The following CSMD1 variants were observed in gnomAD, a reference collection of about 807,000 sequenced individuals.
CSMD1 encodes the protein CUB and sushi domain-containing protein 1.
In CSMD1, 213 loss-of-function variants were observed where a neutral mutation model predicts 417.5. The observed-to-expected ratio is 0.51, with a 90% CI of 0.46 to 0.57. The LOEUF (loss-of-function observed/expected upper bound fraction) is 0.57, where lower values mean the gene tolerates loss of function less well. Ranked by LOEUF, CSMD1 falls within the 20% of genes least tolerant of loss-of-function variation. The probability of loss-of-function intolerance (pLI) is 0.00; values close to 1 mark genes in which losing one functional copy is unlikely to be tolerated. For synonymous variants in CSMD1, 2,862 were observed against 1,736.8 expected, an observed-to-expected ratio of 1.65 and a Z score of -16.11; for missense variants, 6,923 against 4,529.7, an observed-to-expected ratio of 1.53 and a Z score of -15.17.
intron 10 of CSMD1, among the ~76,000 whole-genome samples, chr8:3,567,042 T>C (rs1025384111): frequency 3.9e-5 from 6 of 152,152 alleles, no homozygotes; most frequent in African/African-American, 1.4e-4. Context: ...CCATCGATGG[T>C]AGACTGGATA....
At chr8:3,987,353 G>T (rs753923811) in intron 5 of CSMD1, among the ~76,000 whole-genome samples, 25 of 152,186 alleles carry the variant, frequency 1.6e-4, no homozygotes, top group Non-Finnish European at 3.2e-4. Flanking sequence ...CTTTGCAACT[G>T]CATTGCTTAT....
chr8:3,294,556 C>T (rs1388136602), intron 25 of CSMD1, among the ~76,000 whole-genome samples: 3 of 110,348 alleles, frequency 2.7e-5, no homozygotes, highest in South Asian at 7.2e-4. Context: ...TGCAGCCTTG[C>T]AGTTTGATCT....
intron 5 of CSMD1, among the ~76,000 whole-genome samples, chr8:3,851,752 T>A (rs1453984259): frequency 6.6e-6 from 1 of 152,012 alleles, no homozygotes; most frequent in African/African-American, 2.4e-5. Context: ...AGGTGAGGAA[T>A]GAAGAGGGAA....
chr8:3,378,393 T>C (rs750521592), intron 18 of CSMD1, among the ~76,000 whole-genome samples: 21 of 152,264 alleles, frequency 1.4e-4, no homozygotes, highest in Admixed American at 6.5e-4. Flanking sequence ...CCCTAACTCA[T>C]TTTATGAGGG....
chr8:3,518,167 T>C (rs980133711), intron 10 of CSMD1, among the ~76,000 whole-genome samples: 15 of 152,286 alleles, frequency 9.8e-5, no homozygotes, highest in Non-Finnish European at 1.3e-4. Context: ...TATACCAAAA[T>C]GTTGTATGGT....
At chr8:3,678,267 G>A (rs7016406) in intron 7 of CSMD1, among the ~76,000 whole-genome samples, 67,052 of 152,044 alleles carry the variant, frequency 0.44, 15,227 homozygotes, top group Admixed American at 0.56. Context: ...CGAACCCATC[G>A]CAAAGAAGTT....
intron 1 of CSMD1, among the ~76,000 whole-genome samples, chr8:4,730,023 G>T (rs1265560864): frequency 2.0e-5 from 3 of 152,088 alleles, no homozygotes; most frequent in African/African-American, 4.8e-5. Flanking sequence ...GAGCACACCT[G>T]CTCCCATGTT....
At chr8:4,447,803 A>G (rs542810775) in intron 2 of CSMD1, among the ~76,000 whole-genome samples, 1 of 152,206 alleles carries the variant, frequency 6.6e-6, no homozygotes, top group African/African-American at 2.4e-5. Context: ...ATAAACGAAC[A>G]CAACTAAGAA....
chr8:4,353,200 C>A (rs893282475), intron 3 of CSMD1, among the ~76,000 whole-genome samples: 1 of 151,900 alleles, frequency 6.6e-6, no homozygotes, highest in Non-Finnish European at 1.5e-5. Context: ...AGTGTGGAGC[C>A]AGGTGGAGAC....
intron 2 of CSMD1, among the ~76,000 whole-genome samples, chr8:4,550,329 GCACACACACACA>G: frequency 7.2e-6 from 1 of 139,618 alleles, no homozygotes; most frequent in South Asian, 2.3e-4. Flanking sequence ...ATACACACAC[GCACACACACACA>G]CACACACACA....
At chr8:3,678,180 G>A (rs1262420812) in intron 7 of CSMD1, among the ~76,000 whole-genome samples, 2 of 152,164 alleles carry the variant, frequency 1.3e-5, no homozygotes, top group Admixed American at 6.5e-5. Flanking sequence ...GAACAAAGCT[G>A]GACGGAGAAT....
At chr8:4,959,006 T>G (rs6558949) in intron 1 of CSMD1, among the ~76,000 whole-genome samples, 111,399 of 152,078 alleles carry the variant, frequency 0.73, 42,951 homozygotes, top group Non-Finnish European at 0.86. Context: ...AAATCTTAAT[T>G]GTATGCTTTA....
intron 3 of CSMD1, among the ~76,000 whole-genome samples, chr8:4,171,695 T>G (rs1584953182): frequency 1.3e-5 from 2 of 149,758 alleles, no homozygotes; most frequent in African/African-American, 5.1e-5. Flanking sequence ...ACAAAGTTAA[T>G]TTGCTTATTC....
chr8:4,156,071 G>T (rs576232220), intron 3 of CSMD1, among the ~76,000 whole-genome samples: 41 of 152,260 alleles, frequency 2.7e-4, no homozygotes, highest in Non-Finnish European at 4.9e-4. Flanking sequence ...AATGGAATTG[G>T]AATAGGGCTG....
At chr8:3,686,509 C>T (rs1002661890) in intron 7 of CSMD1, among the ~76,000 whole-genome samples, 1 of 152,146 alleles carries the variant, frequency 6.6e-6, no homozygotes, top group Admixed American at 6.6e-5. Context: ...AAGCCAGTTA[C>T]AAGATCATGT....
At chr8:4,138,582 T>A (rs1311646923) in intron 3 of CSMD1, among the ~76,000 whole-genome samples, 1 of 151,938 alleles carries the variant, frequency 6.6e-6, no homozygotes, top group Non-Finnish European at 1.5e-5. Context: ...AGATCCTAGA[T>A]TCTTAGAAAT....
At chr8:4,324,884 T>TCAA (rs1437973092) in intron 3 of CSMD1, among the ~76,000 whole-genome samples, 8 of 152,168 alleles carry the variant, frequency 5.3e-5, no homozygotes, top group Non-Finnish European at 8.8e-5. Context: ...TCCTGGATCC[T>TCAA]CAAGGCACTC....
intron 5 of CSMD1, among the ~76,000 whole-genome samples, chr8:3,905,975 G>C (rs1052377457): frequency 6.6e-6 from 1 of 152,144 alleles, no homozygotes; most frequent in Admixed American, 6.5e-5. Context: ...TATCAAACCT[G>C]TTCTTTTACC....
chr8:4,628,518 G>C (rs1328349547), intron 2 of CSMD1, among the ~76,000 whole-genome samples: 1 of 151,062 alleles, frequency 6.6e-6, no homozygotes, highest in Non-Finnish European at 1.5e-5. Context: ...AAACTATACA[G>C]AGAGAGAAAG....
Sources: allele counts gnomAD v4.1 joint callset (sites outside exome capture counted in the v4.1 genomes callset), GRCh38; gene constraint gnomAD v4.1.1; transcripts MANE v1.5; gene names NCBI Gene and HGNC (gene_info 2026-07-23, HGNC 2026-07-21).